Variants in SHISA6 observed in about 807,000 individuals in gnomAD.
SHISA6 encodes the protein shisa family member 6.
A neutral mutation model predicts 47.9 loss-of-function variants in SHISA6; 22 were observed. That is an observed-to-expected ratio of 0.46 (90% confidence interval 0.33 to 0.66). SHISA6 has a LOEUF of 0.66. Among genes scored for constraint, SHISA6 ranks in the 30% least tolerant of loss-of-function variants. The pLI, the probability that SHISA6 is intolerant of heterozygous loss-of-function variation, is 0.02. For missense variants in SHISA6, 680 were observed against 764.6 expected (o/e 0.89, Z 1.30); for synonymous variants, 388 against 337.8 (o/e 1.15, Z -1.63).
intron 2 of SHISA6, among the ~76,000 whole-genome samples, chr17:11,283,355 G>A (rs1192288747): frequency 6.6e-6 from 1 of 152,194 alleles, no homozygotes; most frequent in African/African-American, 2.4e-5. Context: ...TAAGCAATTT[G>A]TCTACCATTG....
intron 2 of SHISA6, among the ~76,000 whole-genome samples, chr17:11,284,617 A>G (rs902072193): frequency 5.3e-5 from 8 of 152,214 alleles, no homozygotes; most frequent in African/African-American, 1.9e-4. Context: ...ATGGGTTCAA[A>G]TAGGAGTTCC....
At chr17:11,553,680 C>T (rs574641042) in intron 4 of SHISA6, among the ~76,000 whole-genome samples, 1 of 152,166 alleles carries the variant, frequency 6.6e-6, no homozygotes, top group South Asian at 2.1e-4. Flanking sequence ...TTAATTGGAT[C>T]CTTATTCTGG....
chr17:11,418,461 C>A (rs1209787624), intron 3 of SHISA6, among the ~76,000 whole-genome samples: 1 of 152,112 alleles, frequency 6.6e-6, no homozygotes, highest in African/African-American at 2.4e-5. Context: ...CTGCACCCTG[C>A]CCCTCAACAG....
intron 3 of SHISA6, among the ~76,000 whole-genome samples, chr17:11,500,935 C>T (rs2071447190): frequency 6.6e-6 from 1 of 152,080 alleles, no homozygotes; most frequent in African/African-American, 2.4e-5. Context: ...ATGTAGGACC[C>T]CATTCAGTCT....
chr17:11,293,323 T>C (rs1909622038), intron 2 of SHISA6, among the ~76,000 whole-genome samples: 1 of 152,164 alleles, frequency 6.6e-6, no homozygotes. Flanking sequence ...TTACAGGGGC[T>C]ATAGGACCTG....
At chr17:11,397,437 C>A (rs1913609525) in intron 3 of SHISA6, among the ~76,000 whole-genome samples, 1 of 64,770 alleles carries the variant, frequency 1.5e-5, no homozygotes, top group Non-Finnish European at 3.1e-5. Context: ...GTGTTCACTA[C>A]CTTTTAATTT....
intron 3 of SHISA6, among the ~76,000 whole-genome samples, chr17:11,467,504 T>C (rs1384756220): frequency 3.9e-5 from 6 of 152,144 alleles, no homozygotes; most frequent in Non-Finnish European, 8.8e-5. Context: ...CTTCCTTCAT[T>C]AATGAAGAAA....
chr17:11,483,977 T>G (rs976750538), intron 3 of SHISA6, among the ~76,000 whole-genome samples: 3 of 151,916 alleles, frequency 2.0e-5, no homozygotes, highest in Non-Finnish European at 4.4e-5. Flanking sequence ...AATTCAGAAT[T>G]GAAAGACTAA....
chr17:11,396,748 G>A (rs900079339), intron 3 of SHISA6, among the ~76,000 whole-genome samples: 1 of 152,146 alleles, frequency 6.6e-6, no homozygotes, highest in African/African-American at 2.4e-5. Flanking sequence ...GTTGGGGGTT[G>A]GGGGGCAAGG....
At chr17:11,266,195 A>G (rs1166160692) in intron 2 of SHISA6, among the ~76,000 whole-genome samples, 3 of 152,188 alleles carry the variant, frequency 2.0e-5, no homozygotes, top group Non-Finnish European at 2.9e-5. Context: ...TAATTTTGCC[A>G]CTCATCAAAT....
At chr17:11,303,535 G>T (rs952266591) in intron 2 of SHISA6, among the ~76,000 whole-genome samples, 1 of 152,132 alleles carries the variant, frequency 6.6e-6, no homozygotes, top group Non-Finnish European at 1.5e-5. Context: ...GTGTGGTTGT[G>T]TGTATGTGAG....
rs1470286009 is a variant in SHISA6 at position 11,391,938 on chromosome 17, C to A, written c.895+12429C>A. Among the ~76,000 whole-genome samples, 6 of 152,140 alleles carry A rather than the reference C, an allele frequency of 3.9e-5. No individual in the cohort carries two copies. The East Asian group carries it at 9.6e-4, about 24-fold the overall frequency. Reference sequence around the variant, plus strand: ...ACTCTGAGTCTTGGACCATTCATATCCTTGTTTACCAGTAATAAGACCCTC... The same window carrying A: ...ACTCTGAGTCTTGGACCATTCATATACTTGTTTACCAGTAATAAGACCCTC... On this transcript the variant is annotated intron_variant, in intron 3 of 5. Transcript: ENST00000441885.
chr17:11,371,231 A>T (rs1912621359), intron 2 of SHISA6, among the ~76,000 whole-genome samples: 1 of 152,196 alleles, frequency 6.6e-6, no homozygotes, highest in East Asian at 1.9e-4. Flanking sequence ...AAGTTAATGC[A>T]GAGAGGAGCA....
At chr17:11,515,804 C>A (rs111707849) in intron 3 of SHISA6, among the ~76,000 whole-genome samples, 1,969 of 152,198 alleles carry the variant, frequency 0.013, 58 homozygotes, top group African/African-American at 0.044. Context: ...ACCAAGGAGA[C>A]CTGGGCAGGG....
intron 3 of SHISA6, among the ~76,000 whole-genome samples, chr17:11,421,014 TGCTG>T (rs1228360938): frequency 6.6e-6 from 1 of 152,194 alleles, no homozygotes; most frequent in Non-Finnish European, 1.5e-5. Context: ...CACAGATTAT[TGCTG>T]GCGGGACTGA....
chr17:11,513,305 G>A (rs1442089798), intron 3 of SHISA6, among the ~76,000 whole-genome samples: 2 of 151,776 alleles, frequency 1.3e-5, no homozygotes, highest in African/African-American at 4.8e-5. Flanking sequence ...AGTCTGAGAG[G>A]GGTGAAGTGG....
chr17:11,391,815 C>T lies in SHISA6; in HGVS notation c.895+12306C>T, dbSNP rs61332426. On this transcript the variant is annotated intron_variant, in intron 3 of 5. Transcript: ENST00000441885. ...TCAAGGTAAGACACTTCCTAAATGT[C>T]GGCCTACTGCATCGAATAAGGTGGG... Among the ~76,000 whole-genome samples the T allele has an allele frequency of 8.2e-3, 1,245 of 152,226 alleles. 16 individuals carry two copies. Among genetic ancestry groups the T allele is most frequent in the African/African-American group, 0.028 (1,160 of 41,530 alleles).
chr17:11,387,060 C>T (rs1033648369), intron 3 of SHISA6, among the ~76,000 whole-genome samples: 5 of 152,112 alleles, frequency 3.3e-5, no homozygotes, highest in Non-Finnish European at 5.9e-5. Flanking sequence ...GCCCAGAGCT[C>T]GAACCGGCAC....
intron 3 of SHISA6, among the ~76,000 whole-genome samples, chr17:11,544,263 A>T (rs1397285356): frequency 6.6e-6 from 1 of 152,162 alleles, no homozygotes. Flanking sequence ...ACTCTATTAA[A>T]AGGATGACAA....
Sources: gnomAD v4.1 joint callset for allele counts (sites outside exome capture counted in the v4.1 genomes callset) on GRCh38, gnomAD v4.1.1 for gene constraint, MANE v1.5 for transcripts, NCBI Gene and HGNC (gene_info 2026-07-23, HGNC 2026-07-21) for gene names.